Variants in FAF2 observed in about 807,000 individuals in gnomAD.
The protein encoded by FAF2 is Fas associated factor family member 2.
Under a neutral mutation model 62.3 loss-of-function variants are expected in FAF2, and 9 were observed. That is an observed-to-expected ratio of 0.14 (90% CI 0.09 to 0.25). The LOEUF (loss-of-function observed/expected upper bound fraction) is 0.25, where lower values mean the gene tolerates loss of function less well. FAF2 is among the 10% of genes least tolerant of loss of function. The pLI, the probability that FAF2 is intolerant of heterozygous loss-of-function variation, is 1.00. For synonymous variants in FAF2, 202 were observed against 198.0 expected, an observed-to-expected ratio of 1.02 and a Z score of -0.17; for missense variants, 368 against 556.2, an observed-to-expected ratio of 0.66 and a Z score of 3.40.
intron 10 of FAF2, among the ~76,000 whole-genome samples, chr5:176,503,904 G>A (rs1043905513): frequency 6.6e-6 from 1 of 152,124 alleles, no homozygotes; most frequent in African/African-American, 2.4e-5. Flanking sequence ...GCTCATGCCT[G>A]TAATACCAGC....
intron 1 of FAF2, among the ~76,000 whole-genome samples, chr5:176,470,633 A>ACACG (rs1758549929): frequency 6.6e-6 from 1 of 151,900 alleles, no homozygotes; most frequent in Non-Finnish European, 1.5e-5. Context: ...GTTTAAAAAC[A>ACACG]CACTCACACA....
Position 176,494,623 on chromosome 5 carries a change from T to C in FAF2, c.661+348T>C, listed in dbSNP as rs754934386. On this transcript the variant is annotated intron_variant, in intron 7 of 10. Coordinates refer to ENST00000261942, the MANE Select transcript of FAF2 (RefSeq NM_014613.3). This position sits in a 1 kb window ranked among gnomAD's most constrained non-coding sequence, Gnocchi z 4.0. ...AGGCTGGAGTGCAGTGGTGCGATCT[T>C]GGCTCACTGCAACCTCCACCTCCTG... Among the ~76,000 whole-genome samples the C allele has an allele frequency of 9.9e-5, 15 of 152,128 alleles. No homozygotes were observed. Among genetic ancestry groups the C allele is most frequent in the Non-Finnish European group, 1.5e-4 (10 of 68,018 alleles).
intron 1 of FAF2, among the ~76,000 whole-genome samples, chr5:176,457,670 G>A (rs1198069723): frequency 6.6e-6 from 1 of 151,852 alleles, no homozygotes; most frequent in Non-Finnish European, 1.5e-5. Context: ...GTGTGTGTGT[G>A]TGTGTTTAAT....
chr5:176,448,460 T>A lies in FAF2; in HGVS notation c.53T>A (p.Leu18Gln). The change falls in exon 1 of 11, where the codon CTG becomes CAG. Residue 18 changes from leucine to glutamine, a missense_variant. Physicochemically the swap from Leu to Gln is moderately radical, Grantham distance 113 (BLOSUM62 -2). Coordinates refer to ENST00000261942, the MANE Select transcript of FAF2 (RefSeq NM_014613.3). Reference protein sequence around the residue: ...DLTQEQTEKLLQFQDLTGIES... With the variant: ...DLTQEQTEKLQQFQDLTGIES... ...ACCCAGGAGCAGACAGAGAAGCTGC[T>A]GCAGTTTCAGGTAGCAGCGAGTACT... 6.2e-7 allele frequency: 1 copy of A among 1,601,830 alleles called. No homozygotes were observed. Among genetic ancestry groups the A allele is most frequent in the Non-Finnish European group, 8.5e-7 (1 of 1,174,578 alleles).
chr5:176,483,025 C>T (rs1189764361), intron 2 of FAF2, among the ~76,000 whole-genome samples: 1 of 151,500 alleles, frequency 6.6e-6, no homozygotes, highest in African/African-American at 2.4e-5. Flanking sequence ...CCACTGTGCC[C>T]GGCCTGTTTT....
At chr5:176,467,616 G>A (rs1247670157) in intron 1 of FAF2, among the ~76,000 whole-genome samples, 1 of 152,206 alleles carries the variant, frequency 6.6e-6, no homozygotes, top group Non-Finnish European at 1.5e-5. Context: ...CCAGATGTCA[G>A]TAGATCTTAA....
Position 176,504,743 on chromosome 5 carries a change from G to T in FAF2, c.1156-2025G>T, listed in dbSNP as rs143377313. On this transcript the variant is annotated intron_variant, in intron 10 of 10. Coordinates refer to ENST00000261942, the MANE Select transcript of FAF2 (RefSeq NM_014613.3). The stretch of plus-strand genomic sequence containing the variant: ...AGGTTGATAGACTAAAATATGAGAA[G>T]TTTATAAAATCATGAATGGATTAGA... 3.0e-3 allele frequency among the ~76,000 whole-genome samples: 455 copies of T among 152,228 alleles called. 2 individuals are homozygous for T. Among genetic ancestry groups the T allele is most frequent in the African/African-American group, 0.01 (435 of 41,536 alleles).
At chr5:176,486,719 C>T (rs1758880870) in intron 3 of FAF2, among the ~76,000 whole-genome samples, 2 of 152,030 alleles carry the variant, frequency 1.3e-5, no homozygotes, top group African/African-American at 2.4e-5. Context: ...GTGTTTTCTG[C>T]CTCTTAAGTT....
intron 2 of FAF2, among the ~76,000 whole-genome samples, chr5:176,483,828 G>A (rs1289780513): frequency 1.3e-5 from 2 of 152,174 alleles, no homozygotes; most frequent in Non-Finnish European, 2.9e-5. Flanking sequence ...TGTAATCCCA[G>A]CCCTTTCGGA....
intron 1 of FAF2, among the ~76,000 whole-genome samples, chr5:176,473,659 A>C (rs912284343): frequency 6.6e-6 from 1 of 152,168 alleles, no homozygotes; most frequent in African/African-American, 2.4e-5. Flanking sequence ...ATATTTTTCT[A>C]TTCTCCCCAG....
rs1414883458 is a variant in FAF2 at position 176,508,216 on chromosome 5, G to T, written c.*1266G>T. The T allele has an allele frequency of 6.6e-6, 1 of 152,208 alleles. No individual in the cohort carries two copies. The highest frequency in any genetic ancestry group is 1.5e-5 in the Non-Finnish European group (1 of 68,012). The allele number at this position is 152,208 out of a possible 1,614,324, so 9.4% of individuals were successfully genotyped here. A position where few individuals can be genotyped will look rare whatever the true frequency, so the allele number is the denominator to read the frequency against. The stretch of plus-strand genomic sequence containing the variant: ...AGTAATAGGGTTTTTTTTAACCTCT[G>T]GATGTCTCGTCTGTGGTTGAGTTTA... On this transcript the variant is annotated 3_prime_UTR_variant, in exon 11 of 11. Transcript: ENST00000261942.
At chr5:176,485,163 C>T (rs1758854595) in intron 2 of FAF2, among the ~76,000 whole-genome samples, 1 of 152,188 alleles carries the variant, frequency 6.6e-6, no homozygotes, top group African/African-American at 2.4e-5. Context: ...TACATGGTTT[C>T]AGGAATCTAC....
At chr5:176,456,130 G>T (rs1758273977) in intron 1 of FAF2, among the ~76,000 whole-genome samples, 1 of 152,060 alleles carries the variant, frequency 6.6e-6, no homozygotes, top group African/African-American at 2.4e-5. Context: ...GCAGTGCAGT[G>T]GTGTGATCTC....
intron 1 of FAF2, among the ~76,000 whole-genome samples, chr5:176,463,032 A>C (rs1758405219): frequency 6.6e-6 from 1 of 152,200 alleles, no homozygotes; most frequent in African/African-American, 2.4e-5. Context: ...TATAGCCAAC[A>C]TACTTATTGT....
At chr5:176,499,405 G>T (rs1211870049) in intron 9 of FAF2, among the ~76,000 whole-genome samples, 1 of 152,100 alleles carries the variant, frequency 6.6e-6, no homozygotes, top group Non-Finnish European at 1.5e-5. Context: ...GGGATTACAG[G>T]CGTGAGCCAC....
At chr5:176,496,366 T>C (rs546475532) in intron 7 of FAF2, 120 bp from the exon 8 acceptor site, 5 of 726,884 alleles carry the variant, frequency 6.9e-6, no homozygotes, top group Non-Finnish European at 8.3e-6. Context: ...GACTAAATGA[T>C]ACCTCTCGTC....
At chr5:176,500,213 A>G (rs1755570437) in intron 10 of FAF2, 67 bp downstream of exon 10, 1 of 1,492,982 alleles carries the variant, frequency 6.7e-7, no homozygotes, top group Non-Finnish European at 9.2e-7. Context: ...GCTTTTACTG[A>G]CTCTTGAGAG....
intron 10 of FAF2, among the ~76,000 whole-genome samples, chr5:176,504,583 C>CAAA (rs1382156211): frequency 2.1e-5 from 3 of 144,776 alleles, no homozygotes; most frequent in Non-Finnish European, 4.6e-5. Flanking sequence ...GACTCCATCT[C>CAAA]AAAAAAAAAA....
intron 5 of FAF2, 57 bp from the exon 6 acceptor site, chr5:176,493,942 A>G: frequency 8.2e-7 from 1 of 1,222,568 alleles, no homozygotes; most frequent in Non-Finnish European, 1.2e-6. Context: ...CCCTTAGCTT[A>G]AATATAAGCT....
Sources: allele counts gnomAD v4.1 joint callset (sites outside exome capture counted in the v4.1 genomes callset), GRCh38; gene constraint gnomAD v4.1.1; non-coding constraint Gnocchi (gnomAD v3.1); transcripts MANE v1.5; gene names NCBI Gene and HGNC (gene_info 2026-07-23, HGNC 2026-07-21).